PCDH15: variants seen among roughly 807,000 people sequenced by gnomAD.
PCDH15 encodes the protein protocadherin related 15.
In PCDH15, 129 loss-of-function variants were observed where a neutral mutation model predicts 178.5. The observed-to-expected ratio is 0.72, with a 90% CI of 0.63 to 0.84. The LOEUF (loss-of-function observed/expected upper bound fraction) is 0.84, where lower values mean the gene tolerates loss of function less well. PCDH15 is among the 40% of genes least tolerant of loss of function. PCDH15 has a pLI of 0.00. For missense variants in PCDH15, 2,230 were observed against 2,099.9 expected (o/e 1.06, Z -1.21); for synonymous variants, 800 against 732.0 (o/e 1.09, Z -1.50).
intron 2 of PCDH15, among the ~76,000 whole-genome samples, chr10:54,567,234 T>C (rs2089176882): frequency 1.3e-5 from 2 of 152,166 alleles, no homozygotes; most frequent in African/African-American, 2.4e-5. Flanking sequence ...TGCATAGCAG[T>C]CCTTAATCAG....
chr10:54,204,186 T>C (rs2384413), intron 10 of PCDH15, among the ~76,000 whole-genome samples: 136,782 of 152,098 alleles, frequency 0.9, 61,667 homozygotes, highest in East Asian at 0.98. Flanking sequence ...CTCAGATTTT[T>C]CTTTAGCAGA....
chr10:55,483,289 AAT>A (rs1491185324), intron 2 of PCDH15, among the ~76,000 whole-genome samples: 2 of 151,758 alleles, frequency 1.3e-5, no homozygotes, highest in Non-Finnish European at 2.9e-5. Context: ...TACAAAAAAA[AAT>A]CCATAAAAAA....
intron 3 of PCDH15, among the ~76,000 whole-genome samples, chr10:54,400,154 A>C (rs1951754031): frequency 6.6e-6 from 1 of 152,090 alleles, no homozygotes; most frequent in African/African-American, 2.4e-5. Context: ...TCTGTGTCTA[A>C]TGTATTTCAG....
intron 20 of PCDH15, among the ~76,000 whole-genome samples, chr10:54,004,215 A>G (rs1434521090): frequency 6.6e-6 from 1 of 152,098 alleles, no homozygotes; most frequent in African/African-American, 2.4e-5. Flanking sequence ...CCTTTCCTGT[A>G]CGATCTGGGA....
At chr10:54,896,928 T>C (rs1954556483) in intron 3 of PCDH15, among the ~76,000 whole-genome samples, 1 of 152,196 alleles carries the variant, frequency 6.6e-6, no homozygotes, top group Non-Finnish European at 1.5e-5. Flanking sequence ...CAATTACATA[T>C]TGAGAATAAA....
At chr10:54,057,648 TA>T (rs1466861833) in intron 18 of PCDH15, among the ~76,000 whole-genome samples, 1 of 152,154 alleles carries the variant, frequency 6.6e-6, no homozygotes, top group Non-Finnish European at 1.5e-5. Flanking sequence ...GTCTCTGAGA[TA>T]CCCTGGAGAC....
At chr10:55,170,525 T>A (rs1187114045) in intron 1 of PCDH15, among the ~76,000 whole-genome samples, 1 of 152,056 alleles carries the variant, frequency 6.6e-6, no homozygotes, top group Non-Finnish European at 1.5e-5. Context: ...GAGAAAAATG[T>A]GCTAAGAAAT....
intron 1 of PCDH15, among the ~76,000 whole-genome samples, chr10:54,786,905 T>C (rs1317415832): frequency 6.6e-6 from 1 of 151,812 alleles, no homozygotes; most frequent in Non-Finnish European, 1.5e-5. Flanking sequence ...CTTGTATCCA[T>C]TGCAATTTTC....
chr10:54,705,190 G>T (rs2095353251), intron 1 of PCDH15, among the ~76,000 whole-genome samples: 1 of 152,026 alleles, frequency 6.6e-6, no homozygotes, highest in Non-Finnish European at 1.5e-5. Flanking sequence ...GGTAAGGATT[G>T]AAAAACTACT....
At chr10:55,225,619 GTA>G (rs1299597097) in intron 1 of PCDH15, among the ~76,000 whole-genome samples, 2 of 149,940 alleles carry the variant, frequency 1.3e-5, no homozygotes, top group African/African-American at 4.9e-5. Flanking sequence ...GTGTGTGTGT[GTA>G]TGTGTGTGTG....
intron 3 of PCDH15, among the ~76,000 whole-genome samples, chr10:54,868,296 T>A (rs894342503): frequency 1.3e-5 from 2 of 152,222 alleles, no homozygotes; most frequent in African/African-American, 2.4e-5. Context: ...CTATATGGCA[T>A]CTGTGGTCTA....
At chr10:54,933,813 G>C (rs1429831096) in intron 2 of PCDH15, among the ~76,000 whole-genome samples, 2 of 152,058 alleles carry the variant, frequency 1.3e-5, no homozygotes, top group Admixed American at 1.3e-4. Context: ...ACTTTAAATT[G>C]ACTCTGTAAT....
rs1403558302 is a variant in PCDH15 at position 54,696,789 on chromosome 10, T to C, written c.-28-32499A>G. Among the ~76,000 whole-genome samples, 5 of 152,144 alleles carry C rather than the reference T, an allele frequency of 3.3e-5. No individual in the cohort carries two copies. The East Asian group carries it at 7.7e-4, about 23-fold the overall frequency. ...TTAGGTTTCCTTTTGTTTTGAATAATACTTCCATAGCTATCCTGAAAACTT... is the reference window on the plus strand; with the variant it reads ...TTAGGTTTCCTTTTGTTTTGAATAACACTTCCATAGCTATCCTGAAAACTT... On this transcript the variant is annotated intron_variant, in intron 1 of 37. Coordinates refer to ENST00000644397, the MANE Select transcript of PCDH15 (RefSeq NM_001384140.1).
At chr10:54,922,206 T>G (rs1346752560) in intron 2 of PCDH15, among the ~76,000 whole-genome samples, 1 of 152,212 alleles carries the variant, frequency 6.6e-6, no homozygotes, top group African/African-American at 2.4e-5. Flanking sequence ...CCCCAAAGTC[T>G]TGACTCATTA....
chr10:55,455,178 T>C (rs1338331991), intron 2 of PCDH15, among the ~76,000 whole-genome samples: 1 of 152,140 alleles, frequency 6.6e-6, no homozygotes, highest in Non-Finnish European at 1.5e-5. Flanking sequence ...CAAACTAATA[T>C]GCTTTCAATA....
At chr10:55,325,476 C>A (rs1303974391) in intron 2 of PCDH15, among the ~76,000 whole-genome samples, 3 of 152,068 alleles carry the variant, frequency 2.0e-5, no homozygotes, top group Non-Finnish European at 4.4e-5. Flanking sequence ...GGAAAGGATT[C>A]CCTATTCATT....
chr10:54,014,882 C>CATCATAATA (rs2135210860), intron 20 of PCDH15, among the ~76,000 whole-genome samples: 2 of 152,086 alleles, frequency 1.3e-5, no homozygotes, highest in Non-Finnish European at 2.9e-5. Context: ...TATTGCCACT[C>CATCATAATA]ATCATAGTAA....
chr10:53,874,365 C>T (rs2080077648), intron 26 of PCDH15, among the ~76,000 whole-genome samples: 1 of 152,148 alleles, frequency 6.6e-6, no homozygotes. Flanking sequence ...TTAAACTTTG[C>T]TATTGAGGGG....
At chr10:54,929,851 C>T (rs1433785533) in intron 2 of PCDH15, among the ~76,000 whole-genome samples, 1 of 152,136 alleles carries the variant, frequency 6.6e-6, no homozygotes, top group African/African-American at 2.4e-5. Context: ...TTGCTCAGCT[C>T]ATTTGTTTCT....
Sources: allele counts gnomAD v4.1 joint callset (sites outside exome capture counted in the v4.1 genomes callset), GRCh38; gene constraint gnomAD v4.1.1; transcripts MANE v1.5; gene names NCBI Gene and HGNC (gene_info 2026-07-23, HGNC 2026-07-21).